The following TET1 variants were observed in gnomAD, a reference collection of about 807,000 sequenced individuals.
The protein encoded by TET1 is tet methylcytosine dioxygenase 1.
A neutral mutation model predicts 148.7 loss-of-function variants in TET1; 13 were observed. That is an observed-to-expected ratio of 0.09 (90% CI 0.06 to 0.14). TET1 has a LOEUF of 0.14. Among genes scored for constraint, TET1 ranks in the 10% least tolerant of loss-of-function variants. The probability of loss-of-function intolerance (pLI) is 1.00; values close to 1 mark genes in which losing one functional copy is unlikely to be tolerated. For synonymous variants in TET1, 907 were observed against 937.2 expected, an observed-to-expected ratio of 0.97 and a Z score of 0.59; for missense variants, 2,182 against 2,553.8, an observed-to-expected ratio of 0.85 and a Z score of 3.14.
intron 2 of TET1, among the ~76,000 whole-genome samples, chr10:68,600,207 G>GC (rs2054035795): frequency 6.6e-6 from 1 of 152,042 alleles, no homozygotes; most frequent in East Asian, 1.9e-4. Context: ...AAGCCCAAAT[G>GC]CCCCCCTAGG....
chr10:68,579,175 G>C (rs998852173), intron 2 of TET1, among the ~76,000 whole-genome samples: 3 of 152,156 alleles, frequency 2.0e-5, no homozygotes, highest in African/African-American at 7.2e-5. Flanking sequence ...TAAGTTACTG[G>C]TTTGTAGCAT....
At chr10:68,670,351 A>C (rs1242586290) in intron 7 of TET1, among the ~76,000 whole-genome samples, 1 of 152,170 alleles carries the variant, frequency 6.6e-6, no homozygotes, top group Non-Finnish European at 1.5e-5. Flanking sequence ...TTGAAGCGAA[A>C]AGGCTAATTC....
In TET1 at chr10:68,645,843, G is replaced by A. The variant is rs751380533; in HGVS notation, c.3114G>A (p.Leu1038=). Residue 1038 remains leucine (L), a synonymous_variant, in exon 4 of 12, where the codon TTG becomes TTA. Coordinates refer to ENST00000373644, the MANE Select transcript of TET1 (RefSeq NM_030625.3). ...LDNCSNDLHQ[L]PPRNNEVEYC... ...ATTGTTCCAATGATTTGCATCAGTT[G>A]CCACCAAGAAATAATGAAGTGGAGT... The A allele has an allele frequency of 5.6e-6, 9 of 1,614,092 alleles. No homozygotes were observed. The South Asian group carries it at 7.7e-5, about 14-fold the overall frequency.
At chr10:68,622,216 TCCTTCCCTCCTTCCTC>T (rs201448564) in intron 3 of TET1, among the ~76,000 whole-genome samples, 13,312 of 103,418 alleles carry the variant, frequency 0.13, 1,242 homozygotes, top group African/African-American at 0.21. Context: ...CTTCCTTCCT[TCCTTCCCTCCTTCCTC>T]CCTTCCCTCC....
intron 3 of TET1, among the ~76,000 whole-genome samples, chr10:68,622,197 C>T (rs142340032): frequency 0.15 from 19,220 of 127,628 alleles, 1,678 homozygotes; most frequent in South Asian, 0.26. Context: ...TTCCTTCCTT[C>T]CTTCCTTCCT....
At position 68,575,484 on chromosome 10, in the gene TET1, C is replaced by T. The variant is rs187179198; in HGVS notation, c.1914+1232C>T. ...CCAGGACTTTGGGAGGCCAAGGTGG[C>T]GGATCACTTGAGGTCAGGAGTTCGA... is the stretch of plus-strand genomic sequence containing the variant. On this transcript the variant is annotated intron_variant, in intron 2 of 11. Transcript: ENST00000373644. Among the ~76,000 whole-genome samples the T allele has an allele frequency of 2.7e-5, 4 of 149,732 alleles. No homozygotes were observed. In the East Asian group the frequency reaches 8.0e-4, roughly 30 times the overall value.
chr10:68,673,450 T>C (rs997086721), intron 8 of TET1: 20 of 412,262 alleles, frequency 4.9e-5, no homozygotes, highest in Admixed American at 3.1e-4. Context: ...AGAAGATATA[T>C]GAAACCGGAA....
Position 68,686,633 on chromosome 10 carries a change from C to T in TET1, c.5330C>T (p.Pro1777Leu), listed in dbSNP as rs768342284. The T allele has an allele frequency of 3.7e-6, 6 of 1,614,046 alleles. No homozygotes were observed. Among genetic ancestry groups the T allele is most frequent in the Non-Finnish European group, 5.1e-6 (6 of 1,180,040 alleles). ...AAGATAAGGGCAGTGGAAAAGAAACCTATTCCCCGAATCAAGCGGAAGAAT... is the reference window on the plus strand; with the variant it reads ...AAGATAAGGGCAGTGGAAAAGAAACTTATTCCCCGAATCAAGCGGAAGAAT... ...AHKIRAVEKK[P>L]IPRIKRKNNS... The change falls in exon 11 of 12, where the codon CCT (proline) becomes CTT (leucine). Residue 1777 changes from proline (P) to leucine (L), a missense_variant. Transcript: ENST00000373644.
chr10:68,640,833 G>A (rs544184961), intron 3 of TET1, among the ~76,000 whole-genome samples: 9 of 151,632 alleles, frequency 5.9e-5, no homozygotes, highest in African/African-American at 1.9e-4. Flanking sequence ...TTACAGGTGT[G>A]AGCCACCACC....
intron 11 of TET1, among the ~76,000 whole-genome samples, chr10:68,688,012 G>A (rs2055538656): frequency 6.6e-6 from 1 of 152,064 alleles, no homozygotes. Flanking sequence ...ATAGCACACT[G>A]CTGCCTCAAA....
chr10:68,632,230 G>A (rs2054583709), intron 3 of TET1: 1 of 680,948 alleles, frequency 1.5e-6, no homozygotes, highest in Non-Finnish European at 2.4e-6. Flanking sequence ...GCTGAGGCAG[G>A]AGAATGGCGT....
chr10:68,673,016 T>C lies in TET1; in HGVS notation c.4795T>C (p.Phe1599Leu). ...TGGTAGAAGCCCAAGCCCCAGAAGA[T>C]TTAGAATTGATCCAAGCTCTCCCTT... ...KFGRSPSPRR[F>L]RIDPSSPLHE... The change falls in exon 8 of 12, where the codon TTT (phenylalanine) becomes CTT (leucine). Residue 1599 changes from phenylalanine (F) to leucine (L), a missense_variant. Transcript: ENST00000373644. 6.2e-7 allele frequency: 1 copy of C among 1,611,350 alleles called. No homozygotes were observed.
At chr10:68,652,685 TATTTATTC>T (rs1233339266) in intron 6 of TET1, 91 bp downstream of exon 6, 3 of 873,776 alleles carry the variant, frequency 3.4e-6, no homozygotes, top group Non-Finnish European at 5.1e-6. Context: ...ATCTTTATTT[TATTTATTC>T]ATTTATTTAT....
At chr10:68,673,161 T>C in intron 8 of TET1, 116 bp downstream of exon 8, 1 of 683,310 alleles carries the variant, frequency 1.5e-6, no homozygotes, top group Non-Finnish European at 2.1e-6. Context: ...AAAGTAGTAA[T>C]CAAATAGTAA....
intron 2 of TET1, among the ~76,000 whole-genome samples, chr10:68,584,333 C>T (rs976162994): frequency 4.0e-5 from 6 of 151,502 alleles, no homozygotes; most frequent in Admixed American, 6.6e-5. Flanking sequence ...TGAGCCACTG[C>T]GCCCGGCCAT....
intron 3 of TET1, among the ~76,000 whole-genome samples, chr10:68,621,124 G>A (rs544774959): frequency 6.6e-6 from 1 of 152,222 alleles, no homozygotes; most frequent in African/African-American, 2.4e-5. Context: ...TTTTCTTTGG[G>A]TAATTATGGT....
rs768062158 is a variant in TET1 at position 68,667,275 on chromosome 10, T to C, written c.4673+19T>C. 3 of 1,588,124 alleles carry C rather than the reference T, an allele frequency of 1.9e-6. No homozygotes were observed. The African/African-American group carries it at 4.0e-5, about 21-fold the overall frequency. On this transcript the variant is annotated intron_variant, in intron 7 of 11. Transcript: ENST00000373644. ...ATGAAAAGTAATTAAATCTGTTTTA[T>C]ACTGCCTTACCATTCAGATCTCTAT...
At chr10:68,665,811 G>T (rs908919946) in intron 6 of TET1, among the ~76,000 whole-genome samples, 5 of 152,102 alleles carry the variant, frequency 3.3e-5, no homozygotes, top group African/African-American at 1.2e-4. Flanking sequence ...TGTCTAGGGG[G>T]AAGGTCCTAA....
At position 68,572,381 on chromosome 10, in the gene TET1, A is replaced by G; in HGVS notation, c.43A>G (p.Lys15Glu). The G allele has an allele frequency of 6.2e-7, 1 of 1,609,830 alleles. No homozygotes were observed. Among genetic ancestry groups the G allele is most frequent in the Non-Finnish European group, 8.5e-7 (1 of 1,179,038 alleles). The change falls in exon 2 of 12, where the codon AAG (lysine) becomes GAG (glutamate). Residue 15 changes from lysine to glutamate, a missense_variant. By Grantham distance (56) the Lys-to-Glu change is moderately conservative. Around this residue, in one of 11 missense-constraint regions of TET1, gnomAD observed 665 missense variants for 672.4 expected, o/e 0.99. Coordinates refer to ENST00000373644, the MANE Select transcript of TET1 (RefSeq NM_030625.3). ...RHARPSRLVRKEDVNKKKKNS... is the reference protein window; with the variant it reads ...RHARPSRLVREEDVNKKKKNS... ...TGCAAGGCCTTCCAGATTAGTCAGG[A>G]AGGAAGATGTAAACAAAAAAAAGAA...
Sources: gnomAD v4.1 joint callset for allele counts (sites outside exome capture counted in the v4.1 genomes callset) on GRCh38, gnomAD v4.1.1 for gene constraint, gnomAD v4.1.1 regional missense constraint, MANE v1.5 for transcripts, NCBI Gene and HGNC (gene_info 2026-07-23, HGNC 2026-07-21) for gene names.